The following GULP1 variants were observed in gnomAD, a reference collection of about 807,000 sequenced individuals.
GULP1 encodes PTB domain-containing engulfment adapter protein 1.
A neutral mutation model predicts 40.9 loss-of-function variants in GULP1; 19 were observed. That is an observed-to-expected ratio of 0.46 (90% CI 0.32 to 0.68). GULP1 has a LOEUF of 0.68. Ranked by LOEUF, GULP1 falls within the 30% of genes least tolerant of loss-of-function variation. The probability of loss-of-function intolerance (pLI) is 0.03; values close to 1 mark genes in which losing one functional copy is unlikely to be tolerated. For synonymous variants in GULP1, 119 were observed against 117.6 expected (o/e 1.01, Z -0.08); for missense variants, 312 against 362.2 (o/e 0.86, Z 1.12).
chr2:188,492,082 A>G lies in GULP1; in HGVS notation c.90+8590A>G, dbSNP rs185434489. On this transcript the variant is annotated intron_variant, in intron 4 of 11. Coordinates refer to ENST00000409830, the MANE Select transcript of GULP1 (RefSeq NM_016315.4). The stretch of plus-strand genomic sequence containing the variant: ...GTATTAAAACACCTCCTCTTTCAAT[A>G]TCTTGCACAGATGTGATCGCAAAGC... Among the ~76,000 whole-genome samples the G allele has an allele frequency of 2.6e-4, 40 of 152,168 alleles. 1 individual carries two copies. The highest frequency in any genetic ancestry group is 9.4e-4 in the African/African-American group (39 of 41,578).
chr2:188,412,772 A>G (rs2054076813), intron 2 of GULP1, among the ~76,000 whole-genome samples: 1 of 152,198 alleles, frequency 6.6e-6, no homozygotes. Flanking sequence ...TATTTTAGTA[A>G]CAAGTAGGTA....
At chr2:188,511,074 G>A (rs1484387677) in intron 4 of GULP1, among the ~76,000 whole-genome samples, 1 of 152,096 alleles carries the variant, frequency 6.6e-6, no homozygotes, top group Non-Finnish European at 1.5e-5. Flanking sequence ...CAAGAACACT[G>A]AGATTTTCCC....
rs373915817 is a variant in GULP1, at chr2:188,551,761, G to T, written c.399+10443G>T. Among the ~76,000 whole-genome samples the T allele has an allele frequency of 6.6e-5, 10 of 151,530 alleles. No homozygotes were observed. The East Asian group carries it at 7.7e-4, about 12-fold the overall frequency. ...TTTTGAAATCTTCATACTGTTTTCCGTAGTAGCTTTAGTAGTTTACATTTC... is the reference window on the plus strand; with the variant it reads ...TTTTGAAATCTTCATACTGTTTTCCTTAGTAGCTTTAGTAGTTTACATTTC... On this transcript the variant is annotated intron_variant, in intron 7 of 11. Transcript: ENST00000409830.
chr2:188,474,258 C>T (rs955275875), intron 2 of GULP1, among the ~76,000 whole-genome samples: 4 of 152,112 alleles, frequency 2.6e-5, no homozygotes, highest in African/African-American at 9.7e-5. Context: ...CAGTAGGTCA[C>T]GTGCCCCAGC....
intron 1 of GULP1, among the ~76,000 whole-genome samples, chr2:188,369,851 T>C (rs1035410490): frequency 3.3e-5 from 5 of 151,824 alleles, no homozygotes; most frequent in Non-Finnish European, 5.9e-5. Context: ...TACTGTTGCA[T>C]TTTTTTTAAG....
chr2:188,537,699 C>T (rs969735647), intron 6 of GULP1, among the ~76,000 whole-genome samples: 7 of 151,764 alleles, frequency 4.6e-5, no homozygotes, highest in Non-Finnish European at 8.8e-5. Flanking sequence ...CTGGTTTTGT[C>T]GAATGAGTTA....
Position 188,300,217 on chromosome 2 carries a change from A to T in GULP1, c.-172+8051A>T, listed in dbSNP as rs979244968. On this transcript the variant is annotated intron_variant, in intron 1 of 11. Coordinates refer to ENST00000409830, the MANE Select transcript of GULP1 (RefSeq NM_016315.4). ...TAAAAAAATTTTTAATCACAGCATTAACTATATTGGGAGGAGTTATGATTT... is the reference window on the plus strand; with the variant it reads ...TAAAAAAATTTTTAATCACAGCATTTACTATATTGGGAGGAGTTATGATTT... Among the ~76,000 whole-genome samples, 3 of 152,176 alleles carry T rather than the reference A, an allele frequency of 2.0e-5. No homozygotes were observed. The South Asian group carries it at 6.2e-4, about 31-fold the overall frequency.
intron 2 of GULP1, among the ~76,000 whole-genome samples, chr2:188,451,580 A>G (rs2058835550): frequency 6.6e-6 from 1 of 152,172 alleles, no homozygotes; most frequent in Non-Finnish European, 1.5e-5. Flanking sequence ...CATTTTATGG[A>G]TAGTCTCATA....
At chr2:188,419,800 T>G (rs2055118667) in intron 2 of GULP1, among the ~76,000 whole-genome samples, 1 of 152,170 alleles carries the variant, frequency 6.6e-6, no homozygotes, top group Admixed American at 6.5e-5. Context: ...AGCTTTTCTC[T>G]TAGGTTTTCT....
chr2:188,386,503 A>T (rs867519415), intron 2 of GULP1, among the ~76,000 whole-genome samples: 8 of 152,170 alleles, frequency 5.3e-5, no homozygotes, highest in Non-Finnish European at 1.0e-4. Context: ...TTCTTTGAGA[A>T]TATGAATTAG....
At chr2:188,324,324 T>A (rs903996350) in intron 1 of GULP1, among the ~76,000 whole-genome samples, 6 of 152,078 alleles carry the variant, frequency 3.9e-5, no homozygotes, top group African/African-American at 1.4e-4. Context: ...TGCCCCTGAA[T>A]CATTTTCCAG....
chr2:188,469,018 C>T (rs1452312110), intron 2 of GULP1, among the ~76,000 whole-genome samples: 1 of 152,074 alleles, frequency 6.6e-6, no homozygotes, highest in Admixed American at 6.5e-5. Flanking sequence ...ATGAGGTACC[C>T]TTTAAAACAT....
At chr2:188,519,107 C>T (rs1358697025) in intron 4 of GULP1, among the ~76,000 whole-genome samples, 2 of 151,880 alleles carry the variant, frequency 1.3e-5, no homozygotes, top group Non-Finnish European at 2.9e-5. Flanking sequence ...GCATGATTGT[C>T]CTATAGGTTT....
intron 10 of GULP1, among the ~76,000 whole-genome samples, chr2:188,586,866 CTTTT>C (rs1431200350): frequency 6.6e-6 from 1 of 151,612 alleles, no homozygotes; most frequent in Non-Finnish European, 1.5e-5. Context: ...AATATTATTT[CTTTT>C]TTAATTTTTT....
chr2:188,324,585 G>A (rs2040474283), intron 1 of GULP1, among the ~76,000 whole-genome samples: 1 of 151,224 alleles, frequency 6.6e-6, no homozygotes, highest in Non-Finnish European at 1.5e-5. Flanking sequence ...AATTTAAATT[G>A]GTATTTAAGA....
chr2:188,520,886 C>T (rs774130647), intron 4 of GULP1, among the ~76,000 whole-genome samples: 5 of 151,962 alleles, frequency 3.3e-5, no homozygotes, highest in Admixed American at 2.6e-4. Flanking sequence ...AGTTGTGCAG[C>T]GAACCCATTT....
At chr2:188,424,675 A>G (rs1037842918) in intron 2 of GULP1, among the ~76,000 whole-genome samples, 24 of 151,980 alleles carry the variant, frequency 1.6e-4, no homozygotes, top group African/African-American at 4.3e-4. Context: ...TTGTTTGTAA[A>G]TATAACCTCT....
chr2:188,479,698 C>T (rs1300337744), intron 3 of GULP1, among the ~76,000 whole-genome samples: 2 of 152,076 alleles, frequency 1.3e-5, no homozygotes, highest in African/African-American at 2.4e-5. Context: ...TTATAATCCT[C>T]CTTTCCTATC....
At chr2:188,547,360 A>AAT (rs1306912608) in intron 7 of GULP1, among the ~76,000 whole-genome samples, 2 of 151,946 alleles carry the variant, frequency 1.3e-5, no homozygotes, top group Non-Finnish European at 2.9e-5. Context: ...GGATAGAGCT[A>AAT]ATATATATAT....
Sources: gnomAD v4.1 joint callset for allele counts (sites outside exome capture counted in the v4.1 genomes callset) on GRCh38, gnomAD v4.1.1 for gene constraint, MANE v1.5 for transcripts, NCBI Gene and HGNC (gene_info 2026-07-23, HGNC 2026-07-21) for gene names.